PARPBP: variants seen among roughly 807,000 people sequenced by gnomAD.
The protein encoded by PARPBP is PCNA-interacting partner.
In PARPBP, 52 loss-of-function variants were observed where a neutral mutation model predicts 50.0. That is an observed-to-expected ratio of 1.04 (90% CI 0.83 to 1.31). PARPBP has a LOEUF of 1.31. Ranked by LOEUF, PARPBP falls within the 50% of genes most tolerant of loss-of-function variation. PARPBP has a pLI of 0.00. For missense variants in PARPBP, 697 were observed against 672.0 expected (o/e 1.04, Z -0.41); for synonymous variants, 244 against 232.1 (o/e 1.05, Z -0.47).
At chr12:102,139,259 G>A (rs1178998233) in intron 2 of PARPBP, among the ~76,000 whole-genome samples, 1 of 152,086 alleles carries the variant, frequency 6.6e-6, no homozygotes, top group East Asian at 1.9e-4. Context: ...AATTGTGAAT[G>A]AGAGTTCACT....
chr12:102,189,706 G>A (rs1390613812), intron 9 of PARPBP, among the ~76,000 whole-genome samples: 2 of 152,096 alleles, frequency 1.3e-5, no homozygotes, highest in African/African-American at 2.4e-5. Flanking sequence ...TAAAGAGAAT[G>A]TGTGTAGGGT....
intron 1 of PARPBP, among the ~76,000 whole-genome samples, chr12:102,121,029 G>T (rs962512964): frequency 1.3e-5 from 2 of 152,114 alleles, no homozygotes; most frequent in Non-Finnish European, 2.9e-5. Context: ...CTGTTTTTTT[G>T]TATAGTGCAG....
At chr12:102,148,596 T>A in intron 3 of PARPBP, 133 bp downstream of exon 3, 1 of 488,908 alleles carries the variant, frequency 2.0e-6, no homozygotes, top group Non-Finnish European at 3.6e-6. Flanking sequence ...ATGGGAAAAT[T>A]TAGCTACCTG....
At chr12:102,129,175 A>G (rs1299519284) in intron 2 of PARPBP, among the ~76,000 whole-genome samples, 1 of 152,132 alleles carries the variant, frequency 6.6e-6, no homozygotes. Context: ...TTATTTAGAG[A>G]CAGAGTCTCA....
chr12:102,134,138 A>G (rs1016834788), intron 2 of PARPBP, among the ~76,000 whole-genome samples: 2 of 151,830 alleles, frequency 1.3e-5, no homozygotes, highest in African/African-American at 4.8e-5. Flanking sequence ...TAGAGACTAA[A>G]AAAACAATAG....
intron 6 of PARPBP, among the ~76,000 whole-genome samples, chr12:102,168,614 G>T (rs1249514602): frequency 1.3e-5 from 2 of 152,030 alleles, no homozygotes; most frequent in Non-Finnish European, 2.9e-5. Context: ...TTAATAGAAG[G>T]TGTACAGAGG....
chr12:102,133,880 G>C (rs971946248), intron 2 of PARPBP, among the ~76,000 whole-genome samples: 1 of 151,828 alleles, frequency 6.6e-6, no homozygotes, highest in African/African-American at 2.4e-5. Context: ...CCAACGGTTC[G>C]AAGAAGAAAT....
rs182993583 is a variant in PARPBP at position 102,195,304 on chromosome 12, G to C, written c.1264-8G>C. 7.9e-4 allele frequency: 1,180 copies of C among 1,491,242 alleles called. 4 individuals carry two copies. The highest frequency in any genetic ancestry group is 1.2e-3 in the Admixed American group (59 of 50,740). The allele number at this position is 1,491,242 out of a possible 1,614,324, so 92.4% of individuals were successfully genotyped here. A position where few individuals can be genotyped will look rare whatever the true frequency, so the allele number is the denominator to read the frequency against. ...TTTGCATATTTTCTTCTTTCTTTCT[G>C]TTACTAGATGAAGCAAACTTTAATT... is the stretch of plus-strand genomic sequence containing the variant. On this transcript the variant is annotated splice_region_variant and splice_polypyrimidine_tract_variant and intron_variant, in intron 9 of 10. Coordinates refer to ENST00000327680, the MANE Select transcript of PARPBP (RefSeq NM_017915.5).
Position 102,178,649 on chromosome 12 carries a change from G to A in PARPBP, c.1063G>A (p.Ala355Thr), listed in dbSNP as rs1431875208. ...TAYCGRDTVK[A>T]LLVLLDEEAA... is the part of the protein sequence containing the mutation. ...ATACTGTGGCAGAGATACTGTGAAA[G>A]CCTTATTAGTTCTTTTGGACGAAGA... Residue 355 changes from alanine to threonine, a missense_variant, in exon 8 of 11, where the codon GCC (alanine) becomes ACC (threonine). Ala to Thr is a moderately conservative substitution (Grantham distance 58). Transcript: ENST00000327680. 6.2e-6 allele frequency: 10 copies of A among 1,613,518 alleles called. No homozygotes were observed. The highest frequency in any genetic ancestry group is 1.3e-5 in the African/African-American group (1 of 74,910).
Position 102,148,221 on chromosome 12 carries a change from C to G in PARPBP, c.154-9C>G. The G allele has an allele frequency of 3.1e-6, 3 of 970,800 alleles. No individual in the cohort carries two copies. Among genetic ancestry groups the G allele is most frequent in the Non-Finnish European group, 2.8e-6 (2 of 709,720 alleles). The allele number at this position is 970,800 out of a possible 1,614,324, so 60.1% of individuals were successfully genotyped here. The stretch of plus-strand genomic sequence containing the variant: ...TTATTTTTTTTTTTTTTGGCATTAT[C>G]TTTTTCAGCACAGTGGAGAATTTAC... On this transcript the variant is annotated splice_polypyrimidine_tract_variant and intron_variant, in intron 2 of 10. Coordinates refer to ENST00000327680, the MANE Select transcript of PARPBP (RefSeq NM_017915.5).
chr12:102,163,684 T>C (rs1329022542), intron 4 of PARPBP, among the ~76,000 whole-genome samples: 1 of 152,214 alleles, frequency 6.6e-6, no homozygotes, highest in Non-Finnish European at 1.5e-5. Context: ...GTCTATAAGT[T>C]CAACAATACT....
chr12:102,142,664 A>C (rs1884793017), intron 2 of PARPBP, among the ~76,000 whole-genome samples: 1 of 152,038 alleles, frequency 6.6e-6, no homozygotes, highest in Non-Finnish European at 1.5e-5. Context: ...CGTACAGATG[A>C]GGTTTGGTGT....
chr12:102,183,682 A>G (rs560789033), intron 9 of PARPBP, among the ~76,000 whole-genome samples: 2 of 152,228 alleles, frequency 1.3e-5, no homozygotes, highest in South Asian at 2.1e-4. Context: ...TATCAAAAAA[A>G]TTTTTTTCTT....
chr12:102,141,437 C>G (rs1018110758), intron 2 of PARPBP, among the ~76,000 whole-genome samples: 2 of 152,098 alleles, frequency 1.3e-5, no homozygotes, highest in Admixed American at 6.6e-5. Context: ...GACTCTTTAT[C>G]CAATTTGCCA....
chr12:102,132,505 T>C lies in PARPBP; in HGVS notation c.153+8464T>C, dbSNP rs75331694. On this transcript the variant is annotated intron_variant, in intron 2 of 10. Coordinates refer to ENST00000327680, the MANE Select transcript of PARPBP (RefSeq NM_017915.5). ...ATCTTGGTTCTCAATTCTGTTCCAC[T>C]GGTCTATCCGTATGTTTTTATGCTA... is the stretch of plus-strand genomic sequence containing the variant. 2.0e-3 allele frequency among the ~76,000 whole-genome samples: 306 copies of C among 152,346 alleles called. 1 individual carries two copies. The highest frequency in any genetic ancestry group is 7.0e-3 in the African/African-American group (290 of 41,580).
chr12:102,194,263 T>C (rs568370080), intron 9 of PARPBP, among the ~76,000 whole-genome samples: 22 of 152,114 alleles, frequency 1.4e-4, no homozygotes, highest in African/African-American at 5.1e-4. Context: ...CAACAAATAC[T>C]CTGTAAGTAA....
At position 102,148,363 on chromosome 12, in the gene PARPBP, A is replaced by G; in HGVS notation, c.287A>G (p.Asp96Gly). 6.3e-7 allele frequency: 1 copy of G among 1,589,684 alleles called. No homozygotes were observed. ...TATGAGGACGTTAGGAAGATTTATG[A>G]TGATTTCTTGAAGAACAGTAATATG... ...DHYEDVRKIY[D>G]DFLKNSNMLD... Residue 96 changes from aspartate to glycine, a missense_variant, in exon 3 of 11, where the codon GAT becomes GGT. Coordinates refer to ENST00000327680, the MANE Select transcript of PARPBP (RefSeq NM_017915.5).
At position 102,196,488 on chromosome 12, in the gene PARPBP, A is replaced by G. The variant is rs1044246185; in HGVS notation, c.*197A>G. ...GCAGAATTTTCACAAAGTTTAATGC[A>G]CAGAGAAAGCATATCATTTCAGTTA... On this transcript the variant is annotated 3_prime_UTR_variant, in exon 11 of 11. Coordinates refer to ENST00000327680, the MANE Select transcript of PARPBP (RefSeq NM_017915.5). The G allele has an allele frequency of 1.5e-5, 11 of 739,186 alleles. No homozygotes were observed. Among genetic ancestry groups the G allele is most frequent in the East Asian group, 2.5e-5 (1 of 40,666 alleles). The allele number at this position is 739,186 out of a possible 1,614,324, so 45.8% of individuals were successfully genotyped here. A position where few individuals can be genotyped will look rare whatever the true frequency, so the allele number is the denominator to read the frequency against.
At chr12:102,169,034 T>C (rs1888427810) in intron 6 of PARPBP, among the ~76,000 whole-genome samples, 1 of 152,182 alleles carries the variant, frequency 6.6e-6, no homozygotes, top group African/African-American at 2.4e-5. Context: ...TCTTCACCAA[T>C]ATTCCCTAGC....
Sources: allele counts gnomAD v4.1 joint callset (sites outside exome capture counted in the v4.1 genomes callset), GRCh38; gene constraint gnomAD v4.1.1; transcripts MANE v1.5; gene names NCBI Gene and HGNC (gene_info 2026-07-23, HGNC 2026-07-21).